ADCK1: variants seen among roughly 807,000 people sequenced by gnomAD.
ADCK1 encodes the protein aarF domain containing kinase 1.
ADCK1 carries 41 observed loss-of-function variants against 52.3 expected under a neutral mutation model. The ratio of observed to expected loss-of-function variants is 0.78; its 90% CI spans 0.61 to 1.02. The LOEUF (loss-of-function observed/expected upper bound fraction) is 1.02, where lower values mean the gene tolerates loss of function less well. Among genes scored for constraint, ADCK1 ranks in the 50% least tolerant of loss-of-function variants. ADCK1 has a pLI of 0.00. For missense variants in ADCK1, 658 were observed against 679.5 expected, an observed-to-expected ratio of 0.97 and a Z score of 0.35; for synonymous variants, 250 against 274.6, an observed-to-expected ratio of 0.91 and a Z score of 0.89.
chr14:77,810,481 C>T (rs2081316595), intron 1 of ADCK1, among the ~76,000 whole-genome samples: 1 of 151,736 alleles, frequency 6.6e-6, no homozygotes, highest in East Asian at 1.9e-4. Context: ...GATAATTATG[C>T]AGAAGCTGCA....
intron 4 of ADCK1, among the ~76,000 whole-genome samples, chr14:77,867,301 T>C (rs2082682200): frequency 6.6e-6 from 1 of 152,134 alleles, no homozygotes; most frequent in African/African-American, 2.4e-5. Context: ...GGCTACCAAA[T>C]GAATATTCTG....
intron 2 of ADCK1, among the ~76,000 whole-genome samples, chr14:77,820,181 T>C (rs1419925934): frequency 6.6e-6 from 1 of 152,074 alleles, no homozygotes; most frequent in Non-Finnish European, 1.5e-5. Flanking sequence ...AAAAACAATC[T>C]AAATCCATGC....
At chr14:77,814,690 A>G (rs113894200) in intron 1 of ADCK1, among the ~76,000 whole-genome samples, 1 of 124,676 alleles carries the variant, frequency 8.0e-6, no homozygotes, top group African/African-American at 3.2e-5. Flanking sequence ...AGAGCAAGAC[A>G]CTCTCAAAAA....
At chr14:77,874,817 C>A (rs2082863255) in intron 4 of ADCK1, among the ~76,000 whole-genome samples, 1 of 152,152 alleles carries the variant, frequency 6.6e-6, no homozygotes, top group Non-Finnish European at 1.5e-5. Flanking sequence ...GCTTTAATAA[C>A]ACCTGTGGTA....
intron 7 of ADCK1, among the ~76,000 whole-genome samples, chr14:77,916,288 T>G (rs2083922824): frequency 6.6e-6 from 1 of 151,828 alleles, no homozygotes; most frequent in African/African-American, 2.4e-5. Context: ...GGCCAGAGAC[T>G]TGAGGAGGCT....
At position 77,822,485 on chromosome 14, in the gene ADCK1, T is replaced by TGATAA; in HGVS notation, c.187_188insATAAG (p.Gly63AspfsTer10). 6.2e-7 allele frequency: 1 copy of TGATAA among 1,614,174 alleles called. No homozygotes were observed. The highest frequency in any genetic ancestry group is 8.5e-7 in the Non-Finnish European group (1 of 1,180,000). ...TCACTTCCCTGAAGAGTGTCCCTTA[T>TGATAA]GGCTCAGAGGAGTACTTGCAGCTGA... On this transcript the variant is annotated frameshift_variant, in exon 3 of 11. Transcript: ENST00000238561. LOFTEE classifies it high-confidence loss of function.
In ADCK1 at chr14:77,913,449, A is replaced by G. The variant is rs542020618; in HGVS notation, c.858+5530A>G. 2.6e-5 allele frequency among the ~76,000 whole-genome samples: 4 copies of G among 152,260 alleles called. 1 individual carries two copies. The South Asian group carries it at 6.2e-4, about 24-fold the overall frequency. On this transcript the variant is annotated intron_variant, in intron 7 of 10. Coordinates refer to ENST00000238561, the MANE Select transcript of ADCK1 (RefSeq NM_020421.4). ...TTTGTGTCTGTGAGCCCAGAAGCAG[A>G]TATTACCAAGGGCCTGACCTGGTGA...
chr14:77,804,796 G>T (rs754065758), intron 1 of ADCK1, among the ~76,000 whole-genome samples: 2 of 152,292 alleles, frequency 1.3e-5, no homozygotes, highest in Non-Finnish European at 2.9e-5. Context: ...CTAGGCCAGG[G>T]TTTGGCAAAT....
Position 77,933,347 on chromosome 14 carries a change from C to G in ADCK1, c.1528C>G (p.Arg510Gly), listed in dbSNP as rs147999712. ...TGTGAAGGGGTTGAAGCTGGCTGAC[C>G]GGGTCTTGGCCCTAATATGCTGGCT... is the stretch of plus-strand genomic sequence containing the variant. ...LRVKGLKLADRVLALICWLFP... is the reference protein window; with the variant it reads ...LRVKGLKLADGVLALICWLFP... Residue 510 changes from arginine (R) to glycine (G), a missense_variant, in exon 11 of 11, where the codon CGG becomes GGG. Physicochemically the swap from Arg to Gly is moderately radical, Grantham distance 125 (BLOSUM62 -2). Coordinates refer to ENST00000238561, the MANE Select transcript of ADCK1 (RefSeq NM_020421.4). The G allele has an allele frequency of 2.5e-6, 4 of 1,614,106 alleles. No individual in the cohort carries two copies. The highest frequency in any genetic ancestry group is 4.5e-5 in the East Asian group (2 of 44,864).
intron 5 of ADCK1, among the ~76,000 whole-genome samples, chr14:77,897,659 A>T (rs1285682646): frequency 6.6e-6 from 1 of 152,216 alleles, no homozygotes; most frequent in African/African-American, 2.4e-5. Flanking sequence ...CTCTCGTCTT[A>T]TCCAGCTTTG....
intron 1 of ADCK1, among the ~76,000 whole-genome samples, chr14:77,813,921 C>G (rs1192524560): frequency 6.6e-6 from 1 of 151,982 alleles, no homozygotes; most frequent in African/African-American, 2.4e-5. Flanking sequence ...ATGCATGCCA[C>G]AACACCCGGC....
intron 3 of ADCK1, among the ~76,000 whole-genome samples, chr14:77,846,478 C>T (rs1292652554): frequency 6.6e-6 from 1 of 152,166 alleles, no homozygotes; most frequent in African/African-American, 2.4e-5. Flanking sequence ...GGGCTTTGAG[C>T]TGACCCCTGC....
intron 3 of ADCK1, among the ~76,000 whole-genome samples, chr14:77,840,165 T>G (rs940928122): frequency 2.0e-5 from 3 of 152,010 alleles, no homozygotes; most frequent in Non-Finnish European, 4.4e-5. Context: ...CTATGACTAT[T>G]AGTTTCCTGT....
intron 3 of ADCK1, among the ~76,000 whole-genome samples, chr14:77,823,432 A>G (rs2081623092): frequency 6.6e-6 from 1 of 152,128 alleles, no homozygotes; most frequent in Non-Finnish European, 1.5e-5. Flanking sequence ...TTTTATTTAA[A>G]CTTTTTATTA....
At chr14:77,834,088 A>G (rs1030862584) in intron 3 of ADCK1, among the ~76,000 whole-genome samples, 2 of 152,226 alleles carry the variant, frequency 1.3e-5, no homozygotes, top group East Asian at 1.9e-4. Context: ...CTGCATATCC[A>G]GAATTAAGCA....
intron 3 of ADCK1, among the ~76,000 whole-genome samples, chr14:77,839,605 C>T (rs955845579): frequency 8.5e-5 from 13 of 152,050 alleles, no homozygotes; most frequent in African/African-American, 2.2e-4. Context: ...CTTCCCGGTG[C>T]ACTGCTTGCA....
rs58057378 is a variant in ADCK1 at position 77,905,304 on chromosome 14, G to GTTTTTTTTTTTTTTTTTTTTTTTT, written c.742-2479_742-2478insTTTTTTTTTTTTTTTTTTTTTTTT. Among the ~76,000 whole-genome samples, 38 of 96,262 alleles carry GTTTTTTTTTTTTTTTTTTTTTTTT rather than the reference G, an allele frequency of 3.9e-4. 5 individuals are homozygous for GTTTTTTTTTTTTTTTTTTTTTTTT. Among genetic ancestry groups the GTTTTTTTTTTTTTTTTTTTTTTTT allele is most frequent in the African/African-American group, 5.2e-4 (12 of 23,100 alleles). 63.2% of individuals were successfully genotyped at this position (96,262 alleles called of 152,430 possible). On this transcript the variant is annotated intron_variant, in intron 6 of 10. Coordinates refer to ENST00000238561, the MANE Select transcript of ADCK1 (RefSeq NM_020421.4). ...TCCACCTGTGACTCTTTCCTAGCTGGTTTTTTTTTTTTTTTTTTTTGAGAT... is the reference window on the plus strand; with the variant it reads ...TCCACCTGTGACTCTTTCCTAGCTGGTTTTTTTTTTTTTTTTTTTTTTTTTTTTTTTTTTTTTTTTTTTTGAGAT...
At position 77,859,295 on chromosome 14, in the gene ADCK1, G is replaced by A. The variant is rs747041005; in HGVS notation, c.423+16G>A. The stretch of plus-strand genomic sequence containing the variant: ...GGGCAAGGAGGTACCCACCTTTGCA[G>A]GGGGGATGGGCCTTGGTTGGGATGC... On this transcript the variant is annotated intron_variant, in intron 4 of 10. Coordinates refer to ENST00000238561, the MANE Select transcript of ADCK1 (RefSeq NM_020421.4). The A allele has an allele frequency of 1.9e-6, 3 of 1,609,096 alleles. No homozygotes were observed. The highest frequency in any genetic ancestry group is 1.1e-5 in the South Asian group (1 of 90,360).
intron 3 of ADCK1, among the ~76,000 whole-genome samples, chr14:77,829,103 C>T (rs767807605): frequency 2.6e-5 from 4 of 151,070 alleles, no homozygotes; most frequent in Non-Finnish European, 5.9e-5. Context: ...GAATCAATTA[C>T]TTCTCCAAGG....
Sources: gnomAD v4.1 joint callset for allele counts (sites outside exome capture counted in the v4.1 genomes callset) on GRCh38, gnomAD v4.1.1 for gene constraint, MANE v1.5 for transcripts, NCBI Gene and HGNC (gene_info 2026-07-23, HGNC 2026-07-21) for gene names.